The following UBN2 variants were observed in gnomAD, a reference collection of about 807,000 sequenced individuals.
UBN2 encodes the protein ubinuclein-2.
Under a neutral mutation model 120.2 loss-of-function variants are expected in UBN2, and 35 were observed. The ratio of observed to expected loss-of-function variants is 0.29; its 90% CI spans 0.22 to 0.39. The LOEUF is 0.39. UBN2 is among the 10% of genes least tolerant of loss of function. The pLI, the probability that UBN2 is intolerant of heterozygous loss-of-function variation, is 1.00. For synonymous variants in UBN2, 661 were observed against 648.7 expected, an observed-to-expected ratio of 1.02 and a Z score of -0.29; for missense variants, 1,693 against 1,663.2, an observed-to-expected ratio of 1.02 and a Z score of -0.31.
At chr7:139,249,010 C>CTGTGTGTG (rs559214097) in intron 2 of UBN2, among the ~76,000 whole-genome samples, 8,511 of 147,690 alleles carry the variant, frequency 0.058, 485 homozygotes, top group Admixed American at 0.19. Flanking sequence ...TTTATTACAT[C>CTGTGTGTG]TGTGTGTGTG....
chr7:139,284,385 G>A lies in UBN2; in HGVS notation c.3480G>A (p.Lys1160=). Residue 1160 remains lysine, a synonymous_variant, in exon 15 of 18, where the codon AAG becomes AAA. Transcript: ENST00000473989. Reference sequence around the variant, plus strand: ...CATCATCCACTGGAACTGTTGGGAAGAACAGCTTGAGTGGAATTGCAATGA... The same window carrying A: ...CATCATCCACTGGAACTGTTGGGAAAAACAGCTTGAGTGGAATTGCAATGA... ...TNSSSTGTVG[K]NSLSGIAMNV... 1 of 1,614,180 alleles carries A rather than the reference G, an allele frequency of 6.2e-7. No individual in the cohort carries two copies. Among genetic ancestry groups the A allele is most frequent in the Non-Finnish European group, 8.5e-7 (1 of 1,180,032 alleles).
chr7:139,277,213 A>G (rs982089569), intron 12 of UBN2: 3 of 152,182 alleles, frequency 2.0e-5, no homozygotes, highest in South Asian at 2.1e-4. Flanking sequence ...ATGCAGTTAT[A>G]TAGGAATTTT....
the UBN2 span, among the ~76,000 whole-genome samples, chr7:139,317,301 G>C: frequency 1.3e-5 from 2 of 151,928 alleles, no homozygotes; most frequent in African/African-American, 4.8e-5. Context: ...CTCCCAAGTA[G>C]TTGGAACTAT....
chr7:139,328,517 G>C, the UBN2 span, among the ~76,000 whole-genome samples: 1 of 152,204 alleles, frequency 6.6e-6, no homozygotes, highest in African/African-American at 2.4e-5. Context: ...TCGGACAGAA[G>C]AGCTGCTAGA....
At chr7:139,309,554 T>C (rs138878863), downstream of UBN2, among the ~76,000 whole-genome samples, 349 of 152,344 alleles carry the variant, frequency 2.3e-3, 3 homozygotes, top group African/African-American at 7.8e-3. Context: ...AATTTTTTTT[T>C]AAAACATATT....
Position 139,284,146 on chromosome 7 carries a change from C to T in UBN2, c.3241C>T (p.Pro1081Ser), listed in dbSNP as rs779788383. 2.0e-5 allele frequency: 33 copies of T among 1,614,032 alleles called. No homozygotes were observed. Among genetic ancestry groups the T allele is most frequent in the Middle Eastern group, 3.3e-4 (2 of 6,084 alleles). The change falls in exon 15 of 18, where the codon CCA becomes TCA. Residue 1081 changes from proline (P) to serine (S), a missense_variant. Pro to Ser is a moderately conservative substitution (Grantham distance 74). Transcript: ENST00000473989. ...AACTAAACTTATTTCTAAATCCAAC[C>T]CAACTCCCAAGCCTACTGTATCCCC... ...VSTKLISKSN[P>S]TPKPTVSPSS...
chr7:139,240,768 A>T (rs1796299599), intron 2 of UBN2, among the ~76,000 whole-genome samples: 1 of 152,114 alleles, frequency 6.6e-6, no homozygotes, highest in South Asian at 2.1e-4. Context: ...TGTTGTTCTT[A>T]TGCTCAGGTA....
rs756317554 is a variant in UBN2, at chr7:139,261,662, A to G, written c.1316A>G (p.Gln439Arg). 1 of 1,614,186 alleles carries G rather than the reference A, an allele frequency of 6.2e-7. No homozygotes were observed. The highest frequency in any genetic ancestry group is 1.1e-5 in the South Asian group (1 of 91,086). Residue 439 changes from glutamine to arginine, a missense_variant, in exon 6 of 18, where the codon CAG (glutamine) becomes CGG (arginine). Physicochemically the swap from Gln to Arg is conservative, Grantham distance 43. Coordinates refer to ENST00000473989, the MANE Select transcript of UBN2 (RefSeq NM_173569.4). The stretch of plus-strand genomic sequence containing the variant: ...ACCACCCAGCCAACCTACACTTCTC[A>G]GGTTATGCCCAAAGTGGTACCTACA... ...GTTTQPTYTS[Q>R]VMPKVVPTLP...
chr7:139,251,892 T>G lies in UBN2; in HGVS notation c.562-64T>G. On this transcript the variant is annotated intron_variant, in intron 2 of 17. Transcript: ENST00000473989. ...AAATTATTTGAATTCTTCTAACAGG[T>G]CTTTTTAAACTTTATGGAAACAGCA... 8 of 1,476,524 alleles carry G rather than the reference T, an allele frequency of 5.4e-6. No homozygotes were observed. In the South Asian group the frequency reaches 6.8e-5, roughly 13 times the overall value. 91.5% of individuals were successfully genotyped at this position (1,476,524 alleles called of 1,614,324 possible).
At chr7:139,274,949 A>G (rs979205883) in intron 11 of UBN2, among the ~76,000 whole-genome samples, 3 of 152,000 alleles carry the variant, frequency 2.0e-5, no homozygotes, top group African/African-American at 7.2e-5. Flanking sequence ...GAGATATCTC[A>G]AGAAACAAAG....
chr7:139,327,683 A>C, the UBN2 span, among the ~76,000 whole-genome samples: 1 of 152,294 alleles, frequency 6.6e-6, no homozygotes, highest in East Asian at 1.9e-4. Flanking sequence ...CCAACATATG[A>C]ACTTTGGGGA....
At chr7:139,245,131 G>A (rs1183351782) in intron 2 of UBN2, among the ~76,000 whole-genome samples, 1 of 132,096 alleles carries the variant, frequency 7.6e-6, no homozygotes, top group Non-Finnish European at 1.5e-5. Flanking sequence ...TGAAAAACAG[G>A]ATTTCACCAT....
At chr7:139,245,976 A>G (rs1218119520) in intron 2 of UBN2, among the ~76,000 whole-genome samples, 1 of 152,168 alleles carries the variant, frequency 6.6e-6, no homozygotes, top group Non-Finnish European at 1.5e-5. Context: ...AGGGTTTTCA[A>G]TTCTTATAGG....
chr7:139,272,220 C>A, intron 8 of UBN2, 102 bp from the exon 9 acceptor site: 1 of 765,774 alleles, frequency 1.3e-6, no homozygotes, highest in Non-Finnish European at 2.1e-6. Flanking sequence ...TATTTCAAAT[C>A]TATAATTGGT....
Position 139,231,614 on chromosome 7 carries a change from C to G in UBN2, c.130C>G (p.Arg44Gly). 1.5e-6 allele frequency: 2 copies of G among 1,339,492 alleles called. No individual in the cohort carries two copies. Among genetic ancestry groups the G allele is most frequent in the South Asian group, 1.9e-5 (1 of 54,050 alleles). 83.0% of individuals were successfully genotyped at this position (1,339,492 alleles called of 1,614,324 possible). ...CCCCCGGCTGGAGCCGCAGCCGTACCGCGAGCCGGCCCGGGCGGAGCCGCC... is the reference window on the plus strand; with the variant it reads ...CCCCCGGCTGGAGCCGCAGCCGTACGGCGAGCCGGCCCGGGCGGAGCCGCC... ...EPPRLEPQPY[R>G]EPARAEPPAP... is the part of the protein sequence containing the mutation. Residue 44 changes from arginine (R) to glycine (G), a missense_variant, in exon 1 of 18, where the codon CGC becomes GGC. Physicochemically the swap from Arg to Gly is moderately radical, Grantham distance 125. Transcript: ENST00000473989.
chr7:139,309,641 C>A (rs1433495974), downstream of UBN2, among the ~76,000 whole-genome samples: 1 of 152,104 alleles, frequency 6.6e-6, no homozygotes, highest in Non-Finnish European at 1.5e-5. Context: ...GTGGCCAAGG[C>A]CGGTGGATCA....
chr7:139,315,991 C>CCCAGCTACTGGGGAGGCTGAGGCAG, the UBN2 span, among the ~76,000 whole-genome samples: 1 of 144,856 alleles, frequency 6.9e-6, no homozygotes, highest in Non-Finnish European at 1.5e-5. Flanking sequence ...GCAGGAGAAT[C>CCCAGCTACTGGGGAGGCTGAGGCAG]GCTTGAACCT....
At chr7:139,324,555 C>CAAAAAAAA in the UBN2 span, among the ~76,000 whole-genome samples, 110 of 68,280 alleles carry the variant, frequency 1.6e-3, no homozygotes, top group Non-Finnish European at 1.8e-3. Flanking sequence ...GACTCCATCT[C>CAAAAAAAA]AAAAAAAAAA....
chr7:139,231,873 A>C lies in UBN2; in HGVS notation c.389A>C (p.Glu130Ala), dbSNP rs769035702. 3.8e-6 allele frequency: 6 copies of C among 1,574,152 alleles called. No individual in the cohort carries two copies. Among genetic ancestry groups the C allele is most frequent in the Non-Finnish European group, 5.1e-6 (6 of 1,166,438 alleles). Residue 130 changes from glutamate to alanine, a missense_variant, in exon 1 of 18, where the codon GAG (glutamate) becomes GCG (alanine). Physicochemically the swap from Glu to Ala is moderately radical, Grantham distance 107. Around this residue, in one of 5 missense-constraint regions of UBN2, gnomAD observed 663 missense variants for 591.2 expected, o/e 1.12. Coordinates refer to ENST00000473989, the MANE Select transcript of UBN2 (RefSeq NM_173569.4). ...CCGCCGAGGGAGACGGTGCGCCTGG[A>C]GCTGGTGCTTAAGGACCCCACCGAC... Reference protein sequence around the residue: ...PRPPRETVRLELVLKDPTDES... With the variant: ...PRPPRETVRLALVLKDPTDES...
Sources: gnomAD v4.1 joint callset for allele counts (sites outside exome capture counted in the v4.1 genomes callset) on GRCh38, gnomAD v4.1.1 for gene constraint, gnomAD v4.1.1 regional missense constraint, MANE v1.5 for transcripts, NCBI Gene and HGNC (gene_info 2026-07-23, HGNC 2026-07-21) for gene names.